Variants in DGKI observed in about 807,000 individuals in gnomAD.
DGKI encodes the protein diacylglycerol kinase iota.
Under a neutral mutation model 147.5 loss-of-function variants are expected in DGKI, and 55 were observed. The observed-to-expected ratio is 0.37, with a 90% CI of 0.30 to 0.47. The LOEUF (loss-of-function observed/expected upper bound fraction) is 0.47. Ranked by LOEUF, DGKI falls within the 20% of genes least tolerant of loss-of-function variation. The pLI, the probability that DGKI is intolerant of heterozygous loss-of-function variation, is 1.00. For synonymous variants in DGKI, 469 were observed against 477.1 expected, an observed-to-expected ratio of 0.98 and a Z score of 0.22; for missense variants, 1,007 against 1,323.8, an observed-to-expected ratio of 0.76 and a Z score of 3.71.
Position 137,563,002 on chromosome 7 carries a change from C to G in DGKI, c.1947+8173G>C, listed in dbSNP as rs146324530. Among the ~76,000 whole-genome samples the G allele has an allele frequency of 1.6e-4, 25 of 151,986 alleles. No individual in the cohort carries two copies. The East Asian group carries it at 4.8e-3, about 29-fold the overall frequency. ...TCGCTCTCCCTCATAATCATAATCA[C>G]AAAAATGCTTAACAAAATATTAGTA... On this transcript the variant is annotated intron_variant, in intron 19 of 32. Coordinates refer to ENST00000614521, the MANE Select transcript of DGKI (RefSeq NM_001321708.2).
intron 1 of DGKI, among the ~76,000 whole-genome samples, chr7:137,816,851 G>A (rs1245709789): frequency 1.3e-5 from 2 of 152,132 alleles, no homozygotes; most frequent in Non-Finnish European, 2.9e-5. Flanking sequence ...CCGAAGAAGG[G>A]AGTCTCGACC....
At chr7:137,536,056 T>G (rs182682463) in intron 20 of DGKI, among the ~76,000 whole-genome samples, 1 of 152,178 alleles carries the variant, frequency 6.6e-6, no homozygotes, top group Middle Eastern at 3.2e-3. Flanking sequence ...TGAACTGTTA[T>G]TCTTCATAAT....
intron 1 of DGKI, among the ~76,000 whole-genome samples, chr7:137,783,008 G>A (rs1385650433): frequency 2.0e-5 from 3 of 152,156 alleles, no homozygotes; most frequent in African/African-American, 7.2e-5. Flanking sequence ...TCTTTCCTCT[G>A]ACATAGTCTA....
chr7:137,461,789 T>C (rs992981503), intron 27 of DGKI, among the ~76,000 whole-genome samples: 2 of 152,160 alleles, frequency 1.3e-5, no homozygotes, highest in African/African-American at 4.8e-5. Flanking sequence ...TAGGGCATTT[T>C]AGAACTAAAG....
At chr7:137,576,174 A>G (rs1271378614) in intron 17 of DGKI, among the ~76,000 whole-genome samples, 2 of 151,448 alleles carry the variant, frequency 1.3e-5, no homozygotes, top group Non-Finnish European at 2.9e-5. Flanking sequence ...AGTAGCTGGG[A>G]CTACAGGCAC....
chr7:137,693,866 T>A (rs1823692377), intron 1 of DGKI, among the ~76,000 whole-genome samples: 1 of 152,156 alleles, frequency 6.6e-6, no homozygotes, highest in Non-Finnish European at 1.5e-5. Flanking sequence ...TAAGGTAGAA[T>A]CCAGTGTTAA....
At chr7:137,404,147 A>C (rs1027524955) in intron 30 of DGKI, among the ~76,000 whole-genome samples, 7 of 152,200 alleles carry the variant, frequency 4.6e-5, no homozygotes, top group African/African-American at 1.7e-4. Context: ...CTATAATTTA[A>C]AGGAGTTTCT....
intron 6 of DGKI, among the ~76,000 whole-genome samples, chr7:137,630,445 T>C (rs1366134839): frequency 2.6e-5 from 4 of 152,206 alleles, no homozygotes; most frequent in Non-Finnish European, 5.9e-5. Flanking sequence ...CATTCAGTCT[T>C]CTGGGGAAAA....
chr7:137,708,601 T>C, intron 1 of DGKI, among the ~76,000 whole-genome samples: 1 of 152,230 alleles, frequency 6.6e-6, no homozygotes, highest in Non-Finnish European at 1.5e-5. Context: ...ATTCAATATT[T>C]TTATTCAGCT....
chr7:137,803,737 T>A (rs1797281653), intron 1 of DGKI, among the ~76,000 whole-genome samples: 1 of 152,212 alleles, frequency 6.6e-6, no homozygotes, highest in African/African-American at 2.4e-5. Flanking sequence ...TACAACCATT[T>A]CTGCAAATGA....
At chr7:137,430,411 G>T (rs1294586974) in intron 28 of DGKI, among the ~76,000 whole-genome samples, 6 of 143,566 alleles carry the variant, frequency 4.2e-5, no homozygotes, top group Non-Finnish European at 7.6e-5. Context: ...TTGTGGCGTG[G>T]GGGGAGGGGG....
intron 6 of DGKI, among the ~76,000 whole-genome samples, chr7:137,626,364 C>A (rs913017380): frequency 1.3e-5 from 2 of 148,572 alleles, no homozygotes; most frequent in East Asian, 3.9e-4. Flanking sequence ...CACACACACA[C>A]GGACTTAAGT....
intron 28 of DGKI, among the ~76,000 whole-genome samples, chr7:137,425,959 A>G (rs923962369): frequency 6.6e-6 from 1 of 152,240 alleles, no homozygotes; most frequent in Non-Finnish European, 1.5e-5. Context: ...AATGGAACCA[A>G]GTTGGAAAAC....
intron 1 of DGKI, among the ~76,000 whole-genome samples, chr7:137,797,174 T>G (rs554272321): frequency 7.2e-4 from 109 of 152,326 alleles, no homozygotes; most frequent in African/African-American, 2.5e-3. Context: ...AGAAAGGGAC[T>G]GTCAGCAAGA....
chr7:137,782,053 C>A (rs1796534246), intron 1 of DGKI, among the ~76,000 whole-genome samples: 2 of 152,322 alleles, frequency 1.3e-5, no homozygotes, highest in South Asian at 4.1e-4. Context: ...GCTCCAAGAA[C>A]TACTGTAGGA....
At chr7:137,747,058 T>C (rs571275246) in intron 1 of DGKI, among the ~76,000 whole-genome samples, 1 of 152,276 alleles carries the variant, frequency 6.6e-6, no homozygotes, top group South Asian at 2.1e-4. Context: ...GATTTGCTAG[T>C]GGGAAGCTCC....
chr7:137,692,008 C>T (rs922737514), intron 1 of DGKI, among the ~76,000 whole-genome samples: 30 of 152,086 alleles, frequency 2.0e-4, no homozygotes, highest in African/African-American at 7.2e-4. Flanking sequence ...AATGATGACA[C>T]AATATTCTCG....
intron 31 of DGKI, chr7:137,395,900 A>C (rs986375270): frequency 5.7e-6 from 3 of 530,120 alleles, no homozygotes; most frequent in Non-Finnish European, 1.0e-5. Flanking sequence ...ATAATATCTG[A>C]CTCTAGCCCC....
intron 1 of DGKI, among the ~76,000 whole-genome samples, chr7:137,755,591 C>T (rs988768000): frequency 1.3e-5 from 2 of 152,154 alleles, no homozygotes; most frequent in African/African-American, 4.8e-5. Flanking sequence ...AACCACAGTC[C>T]TCATCTGAAA....
Sources: gnomAD v4.1 joint callset for allele counts (sites outside exome capture counted in the v4.1 genomes callset) on GRCh38, gnomAD v4.1.1 for gene constraint, MANE v1.5 for transcripts, NCBI Gene and HGNC (gene_info 2026-07-23, HGNC 2026-07-21) for gene names.